Variants in TRPM3 observed in about 807,000 individuals in gnomAD.
The protein encoded by TRPM3 is long transient receptor potential channel 3.
A neutral mutation model predicts 181.2 loss-of-function variants in TRPM3; 77 were observed. The observed-to-expected ratio is 0.42, with a 90% confidence interval of 0.35 to 0.51. The LOEUF is 0.51. TRPM3 is among the 20% of genes least tolerant of loss of function. The pLI, the probability that TRPM3 is intolerant of heterozygous loss-of-function variation, is 0.01. For synonymous variants in TRPM3, 745 were observed against 796.4 expected (o/e 0.94, Z 1.09); for missense variants, 1,759 against 2,196.7 (o/e 0.80, Z 3.98).
intron 1 of TRPM3, among the ~76,000 whole-genome samples, chr9:71,365,429 T>G: frequency 6.6e-6 from 1 of 152,246 alleles, no homozygotes; most frequent in South Asian, 2.1e-4. Flanking sequence ...TTCCTTTACC[T>G]TAATTTCATT....
intron 22 of TRPM3, among the ~76,000 whole-genome samples, chr9:70,556,735 C>T (rs2047813642): frequency 6.6e-6 from 1 of 151,988 alleles, no homozygotes; most frequent in Non-Finnish European, 1.5e-5. Flanking sequence ...AACAAAAACC[C>T]CCCTCAAAAC....
intron 1 of TRPM3, among the ~76,000 whole-genome samples, chr9:71,390,273 G>A (rs2132942356): frequency 6.6e-6 from 1 of 152,128 alleles, no homozygotes; most frequent in South Asian, 2.1e-4. Flanking sequence ...TAAGGGACAA[G>A]TGGAATGAAT....
intron 1 of TRPM3, among the ~76,000 whole-genome samples, chr9:71,203,978 A>G (rs1206585366): frequency 3.9e-5 from 6 of 152,110 alleles, no homozygotes; most frequent in Non-Finnish European, 7.4e-5. Context: ...TCCCTACTTA[A>G]TAAATGGTGC....
At chr9:70,626,046 AAGG>A (rs2064529991) in intron 12 of TRPM3, among the ~76,000 whole-genome samples, 1 of 152,186 alleles carries the variant, frequency 6.6e-6, no homozygotes, top group Non-Finnish European at 1.5e-5. Context: ...TTCTAGAATT[AAGG>A]AGATTTTCAT....
chr9:70,747,230 T>C (rs961555279), intron 8 of TRPM3, among the ~76,000 whole-genome samples: 2 of 151,998 alleles, frequency 1.3e-5, no homozygotes, highest in African/African-American at 4.8e-5. Context: ...GAGATATACA[T>C]AAATAAAGTA....
In TRPM3 at chr9:71,032,895, A is replaced by G. The variant is rs2057713177; in HGVS notation, c.177+88283T>C. Among the ~76,000 whole-genome samples, 5 of 152,132 alleles carry G rather than the reference A, an allele frequency of 3.3e-5. No homozygotes were observed. In the South Asian group the frequency reaches 1.0e-3, roughly 31 times the overall value. On this transcript the variant is annotated intron_variant, in intron 1 of 25. Transcript: ENST00000677713. ...CTTTCTTTTTGAATTACACTCTATT[A>G]TTTCCTGGACTCCATTTAGCTACCT...
intron 1 of TRPM3, among the ~76,000 whole-genome samples, chr9:71,169,078 G>C (rs2076707337): frequency 1.3e-5 from 2 of 152,132 alleles, no homozygotes; most frequent in Admixed American, 1.3e-4. Flanking sequence ...TGAGAACTGT[G>C]GTCTACTAGG....
chr9:70,946,287 T>G (rs2096931408), intron 1 of TRPM3, among the ~76,000 whole-genome samples: 1 of 152,008 alleles, frequency 6.6e-6, no homozygotes, highest in Non-Finnish European at 1.5e-5. Context: ...TTAAAGATGT[T>G]GAGTTTTTAA....
chr9:71,020,340 C>A (rs751100111), intron 1 of TRPM3, among the ~76,000 whole-genome samples: 3 of 151,754 alleles, frequency 2.0e-5, no homozygotes, highest in Non-Finnish European at 4.4e-5. Context: ...ATTAACCATG[C>A]ATGGTGGTGC....
In TRPM3 at chr9:70,761,663, T is replaced by C; in HGVS notation, c.1210A>G (p.Thr404Ala). The change falls in exon 8 of 26, where the codon ACT becomes GCT. Residue 404 changes from threonine to alanine, a missense_variant. Physicochemically the swap from Thr to Ala is moderately conservative, Grantham distance 58. Transcript: ENST00000677713. ...LVTIQKTFTY[T>A]RTQAQHLFII... Reference sequence around the variant, plus strand: ...AACAGATGCTGAGCTTGGGTTCGAGTGTATGTGAAAGTCTTCTGTATAGTC... The same window carrying C: ...AACAGATGCTGAGCTTGGGTTCGAGCGTATGTGAAAGTCTTCTGTATAGTC... 6.2e-7 allele frequency: 1 copy of C among 1,613,794 alleles called. No homozygotes were observed. Among genetic ancestry groups the C allele is most frequent in the Admixed American group, 1.7e-5 (1 of 59,958 alleles).
intron 1 of TRPM3, among the ~76,000 whole-genome samples, chr9:70,918,063 T>C (rs1467193082): frequency 1.3e-5 from 2 of 152,144 alleles, no homozygotes; most frequent in Non-Finnish European, 2.9e-5. Flanking sequence ...TAGGTAACTA[T>C]GTAATGATAT....
In TRPM3 at chr9:70,681,926, A is replaced by C. The variant is rs114315468; in HGVS notation, c.1273-348T>G. Reference sequence around the variant, plus strand: ...TGGGTCTTTGGGAGGTCATTAGGTGATGATTAATAGTCATTATAAAATTAG... The same window carrying C: ...TGGGTCTTTGGGAGGTCATTAGGTGCTGATTAATAGTCATTATAAAATTAG... On this transcript the variant is annotated intron_variant, in intron 8 of 25. Coordinates refer to ENST00000677713, the MANE Select transcript of TRPM3 (RefSeq NM_001366145.2). Among the ~76,000 whole-genome samples, 784 of 152,288 alleles carry C rather than the reference A, an allele frequency of 5.1e-3. 8 individuals carry two copies. The highest frequency in any genetic ancestry group is 0.018 in the African/African-American group (742 of 41,572).
Position 70,536,437 on chromosome 9 carries a change from A to G in TRPM3, c.4676T>C (p.Ile1559Thr). ...ACACCTTGTGTCAATACAGTCTGTA[A>G]TACTTGTGTATTCTGCTGTTTTTAC... ...VPVKTAEYTS[I>T]TDCIDTRCVN... Residue 1559 changes from isoleucine to threonine, a missense_variant, in exon 26 of 26, where the codon ATT becomes ACT. Around this residue, in one of 8 missense-constraint regions of TRPM3, gnomAD observed 612 missense variants for 590.0 expected, o/e 1.04. Transcript: ENST00000677713. 1 of 1,614,170 alleles carries G rather than the reference A, an allele frequency of 6.2e-7. No homozygotes were observed. The highest frequency in any genetic ancestry group is 8.5e-7 in the Non-Finnish European group (1 of 1,180,044).
intron 1 of TRPM3, among the ~76,000 whole-genome samples, chr9:71,073,126 T>C (rs1021029491): frequency 1.3e-5 from 2 of 152,104 alleles, no homozygotes; most frequent in African/African-American, 4.8e-5. Flanking sequence ...GTAACTGTCG[T>C]AGTGATGGTC....
intron 1 of TRPM3, among the ~76,000 whole-genome samples, chr9:71,339,240 A>T (rs1234655977): frequency 1.3e-5 from 2 of 152,182 alleles, no homozygotes; most frequent in Non-Finnish European, 2.9e-5. Flanking sequence ...AAAAGTCTCA[A>T]ATATCAAGAT....
At chr9:71,043,571 T>C (rs940039075) in intron 1 of TRPM3, among the ~76,000 whole-genome samples, 6 of 152,224 alleles carry the variant, frequency 3.9e-5, no homozygotes, top group African/African-American at 1.4e-4. Flanking sequence ...ATTTGCTGCA[T>C]AGACCTCTTG....
At chr9:70,880,315 A>G (rs528725239) in intron 1 of TRPM3, among the ~76,000 whole-genome samples, 3 of 152,134 alleles carry the variant, frequency 2.0e-5, no homozygotes, top group African/African-American at 4.8e-5. Flanking sequence ...ATCACATGTT[A>G]TACCTTCCCT....
At chr9:71,191,790 AT>A (rs2078038443) in intron 1 of TRPM3, among the ~76,000 whole-genome samples, 3 of 111,926 alleles carry the variant, frequency 2.7e-5, no homozygotes, top group Admixed American at 8.8e-5. Context: ...AACAGAACAT[AT>A]AAAAAAAAAA....
intron 1 of TRPM3, among the ~76,000 whole-genome samples, chr9:70,900,664 T>C (rs1376808732): frequency 6.6e-6 from 1 of 152,230 alleles, no homozygotes; most frequent in East Asian, 1.9e-4. Flanking sequence ...ATGCACCTCC[T>C]CGTCTCCTCT....
Sources: gnomAD v4.1 joint callset for allele counts (sites outside exome capture counted in the v4.1 genomes callset) on GRCh38, gnomAD v4.1.1 for gene constraint, gnomAD v4.1.1 regional missense constraint, MANE v1.5 for transcripts, NCBI Gene and HGNC (gene_info 2026-07-23, HGNC 2026-07-21) for gene names.